Variants in USP37 observed in about 807,000 individuals in gnomAD.
USP37 encodes the protein ubiquitin carboxyl-terminal hydrolase 37.
USP37 carries 27 observed loss-of-function variants against 124.0 expected under a neutral mutation model. The observed-to-expected ratio is 0.22, with a 90% CI of 0.16 to 0.30. The LOEUF (loss-of-function observed/expected upper bound fraction) is 0.30, where lower values mean the gene tolerates loss of function less well. Ranked by LOEUF, USP37 falls within the 10% of genes least tolerant of loss-of-function variation. The pLI is 1.00. For synonymous variants in USP37, 365 were observed against 388.0 expected (o/e 0.94, Z 0.70); for missense variants, 889 against 1,140.4 (o/e 0.78, Z 3.17).
rs147705956 is a variant in USP37, at chr2:218,517,445, G to T, written c.864-7305C>A. Among the ~76,000 whole-genome samples, 14 of 152,102 alleles carry T rather than the reference G, an allele frequency of 9.2e-5. No homozygotes were observed. The East Asian group carries it at 2.7e-3, about 29-fold the overall frequency. On this transcript the variant is annotated intron_variant, in intron 10 of 25. Transcript: ENST00000258399. ...TGTGGGTAAACTCTGTTATTATTTT[G>T]TTTTGTATGATAGTGTCTATTTCAC...
intron 14 of USP37, among the ~76,000 whole-genome samples, chr2:218,490,234 C>T (rs914669142): frequency 5.3e-5 from 8 of 152,022 alleles, no homozygotes; most frequent in African/African-American, 1.4e-4. Flanking sequence ...ACCTGTAGTC[C>T]GGAGGCTGAG....
chr2:218,552,863 A>G (rs1692739544), intron 5 of USP37, among the ~76,000 whole-genome samples: 1 of 152,168 alleles, frequency 6.6e-6, no homozygotes, highest in Non-Finnish European at 1.5e-5. Flanking sequence ...GGTTGCAGTG[A>G]GCTGAGATCA....
chr2:218,461,463 G>A (rs1024265738), intron 22 of USP37, among the ~76,000 whole-genome samples: 5 of 151,470 alleles, frequency 3.3e-5, no homozygotes, highest in African/African-American at 7.3e-5. Flanking sequence ...CCAAGATCAC[G>A]CCACTGCACT....
chr2:218,510,873 T>C (rs1435959292), intron 10 of USP37, among the ~76,000 whole-genome samples: 3 of 151,976 alleles, frequency 2.0e-5, no homozygotes, highest in Non-Finnish European at 4.4e-5. Flanking sequence ...GGAGGACCTG[T>C]AGTCACAGCT....
chr2:218,512,500 G>A (rs556705919), intron 10 of USP37, among the ~76,000 whole-genome samples: 6 of 151,920 alleles, frequency 3.9e-5, no homozygotes, highest in South Asian at 4.2e-4. Flanking sequence ...AGAGAGAGAC[G>A]CTGTCTCAAA....
chr2:218,522,120 C>T (rs1690686751), intron 10 of USP37, among the ~76,000 whole-genome samples: 1 of 151,210 alleles, frequency 6.6e-6, no homozygotes. Flanking sequence ...AAGCCATCCT[C>T]CTGCCTTGGC....
chr2:218,529,872 T>C (rs1276174284), intron 10 of USP37, 84 bp downstream of exon 10: 1 of 1,029,984 alleles, frequency 9.7e-7, no homozygotes, highest in African/African-American at 1.6e-5. Flanking sequence ...CTTAAGAGGA[T>C]AATACATAAC....
At chr2:218,559,125 A>G (rs940864528) in intron 3 of USP37, among the ~76,000 whole-genome samples, 1 of 152,088 alleles carries the variant, frequency 6.6e-6, no homozygotes, top group African/African-American at 2.4e-5. Flanking sequence ...TGGGCAACAC[A>G]GGGAGGCTCT....
intron 8 of USP37, among the ~76,000 whole-genome samples, chr2:218,540,399 A>C (rs35935245): frequency 0.034 from 5,196 of 152,224 alleles, 124 homozygotes; most frequent in East Asian, 0.12. Flanking sequence ...GCACTTTGGG[A>C]GGCCAGGTGG....
chr2:218,532,480 A>G, intron 9 of USP37, among the ~76,000 whole-genome samples: 1 of 151,336 alleles, frequency 6.6e-6, no homozygotes, highest in East Asian at 1.9e-4. Flanking sequence ...AAAAAAAAAA[A>G]AAAAGAAAGA....
At chr2:218,538,449 T>C (rs1228229237) in intron 8 of USP37, among the ~76,000 whole-genome samples, 3 of 152,216 alleles carry the variant, frequency 2.0e-5, no homozygotes, top group Non-Finnish European at 4.4e-5. Context: ...CTGTTTTACA[T>C]GTTAATGCTC....
intron 4 of USP37, among the ~76,000 whole-genome samples, chr2:218,555,320 T>C (rs1470777514): frequency 6.6e-6 from 1 of 151,154 alleles, no homozygotes; most frequent in African/African-American, 2.5e-5. Context: ...AATTGACTTT[T>C]GTTAATTATT....
At chr2:218,564,401 A>T (rs753251704) in intron 1 of USP37, among the ~76,000 whole-genome samples, 1 of 152,178 alleles carries the variant, frequency 6.6e-6, no homozygotes, top group Non-Finnish European at 1.5e-5. Context: ...GACATTACAT[A>T]ATTTATAAAT....
intron 10 of USP37, among the ~76,000 whole-genome samples, chr2:218,522,588 TC>T (rs1483500185): frequency 4.7e-5 from 7 of 149,410 alleles, no homozygotes; most frequent in African/African-American, 1.7e-4. Context: ...AAGTTTAGAT[TC>T]TTTTTTTTTT....
At chr2:218,481,782 T>G (rs1414547675) in intron 17 of USP37, among the ~76,000 whole-genome samples, 1 of 151,250 alleles carries the variant, frequency 6.6e-6, no homozygotes, top group Non-Finnish European at 1.5e-5. Flanking sequence ...CAGCCTCGAG[T>G]AGCTGGCACT....
intron 22 of USP37, among the ~76,000 whole-genome samples, chr2:218,462,307 G>A (rs12987171): frequency 6.6e-6 from 1 of 151,984 alleles, no homozygotes; most frequent in African/African-American, 2.4e-5. Context: ...TGCACTCCAG[G>A]CCCTGGGCAA....
chr2:218,467,236 CCT>C (rs1209969193), intron 20 of USP37, among the ~76,000 whole-genome samples: 1 of 150,930 alleles, frequency 6.6e-6, no homozygotes, highest in Non-Finnish European at 1.5e-5. Flanking sequence ...GCAACCTCCA[CCT>C]CTTTCAGGCA....
At chr2:218,496,437 G>A (rs1689083613) in intron 13 of USP37, among the ~76,000 whole-genome samples, 1 of 152,112 alleles carries the variant, frequency 6.6e-6, no homozygotes, top group Non-Finnish European at 1.5e-5. Context: ...AAGAATTTGG[G>A]GAGCTGCATA....
chr2:218,483,362 C>G (rs1691366682), intron 16 of USP37, among the ~76,000 whole-genome samples: 1 of 151,750 alleles, frequency 6.6e-6, no homozygotes, highest in Non-Finnish European at 1.5e-5. Context: ...AAGATGAGGC[C>G]CAACTTTGTG....
Sources: allele counts gnomAD v4.1 joint callset (sites outside exome capture counted in the v4.1 genomes callset), GRCh38; gene constraint gnomAD v4.1.1; transcripts MANE v1.5; gene names NCBI Gene and HGNC (gene_info 2026-07-23, HGNC 2026-07-21).